TRRAP: variants seen among roughly 807,000 people sequenced by gnomAD.
The protein encoded by TRRAP is transformation/transcription domain-associated protein.
TRRAP carries 41 observed loss-of-function variants against 438.8 expected under a neutral mutation model. The ratio of observed to expected loss-of-function variants is 0.09; its 90% CI spans 0.07 to 0.12. TRRAP has a LOEUF of 0.12. TRRAP is among the 10% of genes least tolerant of loss of function. The probability of loss-of-function intolerance (pLI) is 1.00; values close to 1 mark genes in which losing one functional copy is unlikely to be tolerated. For missense variants in TRRAP, 3,122 were observed against 5,055.1 expected (o/e 0.62, Z 11.60); for synonymous variants, 1,994 against 1,962.9 (o/e 1.02, Z -0.42).
intron 21 of TRRAP, among the ~76,000 whole-genome samples, chr7:98,923,930 C>G (rs1340027369): frequency 6.6e-6 from 1 of 152,168 alleles, no homozygotes; most frequent in African/African-American, 2.4e-5. Context: ...CTCAGTCAAC[C>G]CCATGAGAAT....
At chr7:98,946,640 C>T (rs1157304581) in intron 33 of TRRAP, among the ~76,000 whole-genome samples, 2 of 151,550 alleles carry the variant, frequency 1.3e-5, no homozygotes, top group Non-Finnish European at 2.9e-5. Flanking sequence ...CACCACAATG[C>T]ACTGACAACA....
chr7:98,954,852 C>T (rs531300935), intron 40 of TRRAP, among the ~76,000 whole-genome samples: 147 of 152,354 alleles, frequency 9.6e-4, no homozygotes, highest in African/African-American at 3.4e-3. Flanking sequence ...CTTGGTCTTA[C>T]CTGTCTGCAT....
chr7:98,965,521 T>C lies in TRRAP; in HGVS notation c.6977-175T>C, dbSNP rs41641. 0.3 allele frequency among the ~76,000 whole-genome samples: 45,532 copies of C among 152,028 alleles called. 11,324 individuals are homozygous for C. The highest frequency in any genetic ancestry group is 0.69 in the African/African-American group (28,499 of 41,438). The stretch of plus-strand genomic sequence containing the variant: ...CCCTCTCCCTGCAGAGAGGGCTACA[T>C]TTCCAAGATGCACGTAAGAACATAT... On this transcript the variant is annotated intron_variant, in intron 48 of 72. Coordinates refer to ENST00000456197, the MANE Select transcript of TRRAP (RefSeq NM_001375524.1).
chr7:98,959,614 T>G, intron 45 of TRRAP, 124 bp downstream of exon 45: 69 of 1,388,418 alleles, frequency 5.0e-5, no homozygotes, highest in Non-Finnish European at 5.8e-5. Context: ...CCAAATCTCC[T>G]GTCCCCTTTG....
At chr7:98,991,829 T>C (rs113198774) in intron 64 of TRRAP, among the ~76,000 whole-genome samples, 3 of 152,346 alleles carry the variant, frequency 2.0e-5, no homozygotes, top group East Asian at 3.9e-4. Context: ...GGGACACATG[T>C]ATTTTGCCTT....
chr7:98,961,529 GCTTGCTAT>G, intron 46 of TRRAP, 55 bp downstream of exon 46: 1 of 1,592,196 alleles, frequency 6.3e-7, no homozygotes, highest in Non-Finnish European at 8.6e-7. Context: ...TGGGCGCGGA[GCTTGCTAT>G]GAGAGCGCTT....
At chr7:99,009,784 G>A (rs952113278) in intron 70 of TRRAP, among the ~76,000 whole-genome samples, 4 of 152,132 alleles carry the variant, frequency 2.6e-5, no homozygotes, top group Admixed American at 6.5e-5. Context: ...AGGGCCTATA[G>A]GCAGAGGGAG....
Position 98,948,395 on chromosome 7 carries a change from C to T in TRRAP, c.4668+55C>T, listed in dbSNP as rs541755442. On this transcript the variant is annotated intron_variant, in intron 34 of 72. Coordinates refer to ENST00000456197, the MANE Select transcript of TRRAP (RefSeq NM_001375524.1). This position sits in a 1 kb window ranked among gnomAD's most constrained non-coding sequence, Gnocchi z 4.9. ...CTCTGCCACCCTCCGGTGCTTATAG[C>T]GTCCTCACTTGATCGTATTTTCAAT... The T allele has an allele frequency of 1.4e-4, 220 of 1,612,028 alleles. No individual in the cohort carries two copies. The African/African-American group carries it at 1.9e-3, about 14-fold the overall frequency.
chr7:98,926,880 G>C (rs1055321005), intron 22 of TRRAP, among the ~76,000 whole-genome samples: 1 of 151,952 alleles, frequency 6.6e-6, no homozygotes, highest in East Asian at 1.9e-4. Flanking sequence ...TTAGCTGGGC[G>C]TGGTGGTGGG....
rs1393662516 is a variant in TRRAP at position 98,967,037 on chromosome 7, A to G, written c.7177-4A>G. The G allele has an allele frequency of 6.3e-7, 1 of 1,599,222 alleles. No individual in the cohort carries two copies. The highest frequency in any genetic ancestry group is 1.4e-5 in the African/African-American group (1 of 73,962). ...AACTGCGTCTTTTCTCAAATTTCAT[A>G]CAGACACCTACACTCCGGGAGAAGT... On this transcript the variant is annotated splice_polypyrimidine_tract_variant and splice_region_variant and intron_variant, in intron 49 of 72. Transcript: ENST00000456197.
Position 98,993,533 on chromosome 7 carries a change from C to T in TRRAP, c.9848-5C>T. The T allele has an allele frequency of 1.9e-6, 3 of 1,608,906 alleles. No individual in the cohort carries two copies. The highest frequency in any genetic ancestry group is 1.1e-5 in the South Asian group (1 of 91,082). On this transcript the variant is annotated splice_region_variant and splice_polypyrimidine_tract_variant and intron_variant, in intron 65 of 72. Coordinates refer to ENST00000456197, the MANE Select transcript of TRRAP (RefSeq NM_001375524.1). The stretch of plus-strand genomic sequence containing the variant: ...TGACACTGGCGTTGTGTGTGTTGCT[C>T]TCAGATTCTGGACAGCAGCAGCCAA...
At position 98,917,622 on chromosome 7, in the gene TRRAP, C is replaced by T; in HGVS notation, c.2565C>T (p.Asn855=). The T allele has an allele frequency of 6.2e-7, 1 of 1,614,224 alleles. No homozygotes were observed. The highest frequency in any genetic ancestry group is 8.5e-7 in the Non-Finnish European group (1 of 1,180,050). Residue 855 remains asparagine, a synonymous_variant, in exon 20 of 73, where the codon AAC becomes AAT. Transcript: ENST00000456197. Reference sequence around the variant, plus strand: ...GGACGCTGGAGCTGTGTGTGGACAACCTGCAGCCCGACTTCCTCTACGACC... The same window carrying T: ...GGACGCTGGAGCTGTGTGTGGACAATCTGCAGCCCGACTTCCTCTACGACC... ...GLRTLELCVD[N]LQPDFLYDHI...
Position 98,929,980 on chromosome 7 carries a change from T to C in TRRAP, c.3176-9T>C, listed in dbSNP as rs1554412433. 2.5e-6 allele frequency: 4 copies of C among 1,613,616 alleles called. No homozygotes were observed. Among genetic ancestry groups the C allele is most frequent in the Non-Finnish European group, 3.4e-6 (4 of 1,179,762 alleles). On this transcript the variant is annotated splice_polypyrimidine_tract_variant and intron_variant, in intron 23 of 72. Coordinates refer to ENST00000456197, the MANE Select transcript of TRRAP (RefSeq NM_001375524.1). ...CTGTTCTCACGTGCCTTCCCATCTC[T>C]CCTTTTAGGCCCTTTCTTGCTGCCT...
intron 53 of TRRAP, among the ~76,000 whole-genome samples, chr7:98,973,521 G>T (rs1015666663): frequency 2.0e-5 from 3 of 152,210 alleles, no homozygotes; most frequent in African/African-American, 7.2e-5. Context: ...GGTCACAGCT[G>T]TACACCTCCA....
At chr7:98,897,115 A>G (rs1272467011) in intron 7 of TRRAP, among the ~76,000 whole-genome samples, 4 of 152,136 alleles carry the variant, frequency 2.6e-5, no homozygotes, top group East Asian at 1.9e-4. Flanking sequence ...CGCGCTAGTA[A>G]TCTCAGCTAC....
At position 98,984,119 on chromosome 7, in the gene TRRAP, T is replaced by C; in HGVS notation, c.9049T>C (p.Ser3017Pro). The change falls in exon 61 of 73, where the codon TCT (serine) becomes CCT (proline). Residue 3017 changes from serine to proline, a missense_variant. Physicochemically the swap from Ser to Pro is moderately conservative, Grantham distance 74. Transcript: ENST00000456197. ...GATTGTAACTGCCTATGAGAATAGC[T>C]CTCAGCATGATCCCAGTTCAAATAA... ...QAIVTAYENS[S>P]QHDPSSNNAM... The C allele has an allele frequency of 6.2e-7, 1 of 1,612,484 alleles. No individual in the cohort carries two copies. Among genetic ancestry groups the C allele is most frequent in the Non-Finnish European group, 8.5e-7 (1 of 1,179,184 alleles).
rs1790088324 is a variant in TRRAP, at chr7:98,927,183, A to G, written c.2992A>G (p.Ile998Val). Residue 998 changes from isoleucine to valine, a missense_variant, in exon 23 of 73, where the codon ATC (isoleucine) becomes GTC (valine). Around this residue, in one of 24 missense-constraint regions of TRRAP, gnomAD observed 133 missense variants for 188.6 expected, o/e 0.71. Coordinates refer to ENST00000456197, the MANE Select transcript of TRRAP (RefSeq NM_001375524.1). ...GCCTTTCAGCTTTACAGAAAAGACC[A>G]TCCCCAATGTTATCATCTCACATCG... ...LAHPNFTEKT[I>V]PNVIISHRYK... 6.2e-7 allele frequency: 1 copy of G among 1,614,126 alleles called. No homozygotes were observed. The highest frequency in any genetic ancestry group is 8.5e-7 in the Non-Finnish European group (1 of 1,180,064).
chr7:98,956,401 G>T lies in TRRAP; in HGVS notation c.6099G>T (p.Pro2033=). Residue 2033 remains proline (P), a splice_region_variant and synonymous_variant, in exon 43 of 73, where the codon CCG becomes CCT. Coordinates refer to ENST00000456197, the MANE Select transcript of TRRAP (RefSeq NM_001375524.1). This position sits in a 1 kb window ranked among gnomAD's most constrained non-coding sequence, Gnocchi z 4.5. ...WELQRIKDQQ[P]DSDMDPNSSG... is the part of the protein sequence containing the mutation. ...CCAAGCGCCTGTGTGTTTTTAAGCCGGATTCAGATATGGACCCAAATTCCA... is the reference window on the plus strand; with the variant it reads ...CCAAGCGCCTGTGTGTTTTTAAGCCTGATTCAGATATGGACCCAAATTCCA... The T allele has an allele frequency of 6.2e-7, 1 of 1,613,798 alleles. No homozygotes were observed. Among genetic ancestry groups the T allele is most frequent in the Non-Finnish European group, 8.5e-7 (1 of 1,179,918 alleles).
At chr7:98,929,932 G>A in intron 23 of TRRAP, 57 bp from the exon 24 acceptor site, 2 of 1,563,568 alleles carry the variant, frequency 1.3e-6, no homozygotes, top group Non-Finnish European at 1.8e-6. Flanking sequence ...ACATTGGGGA[G>A]TTCTGCAGTT....
Sources: allele counts gnomAD v4.1 joint callset (sites outside exome capture counted in the v4.1 genomes callset), GRCh38; gene constraint gnomAD v4.1.1; regional missense constraint gnomAD v4.1.1; non-coding constraint Gnocchi (gnomAD v3.1); transcripts MANE v1.5; gene names NCBI Gene and HGNC (gene_info 2026-07-23, HGNC 2026-07-21).